ADCY10: variants seen among roughly 807,000 people sequenced by gnomAD.
ADCY10 encodes adenylate cyclase 10, also known as adenylate cyclase type 10.
Under a neutral mutation model 183.3 loss-of-function variants are expected in ADCY10, and 156 were observed. The ratio of observed to expected loss-of-function variants is 0.85; its 90% CI spans 0.75 to 0.97. The LOEUF is 0.97. ADCY10 is among the 50% of genes least tolerant of loss of function. ADCY10 has a pLI of 0.00. For missense variants in ADCY10, 1,745 were observed against 1,934.3 expected, an observed-to-expected ratio of 0.90 and a Z score of 1.84; for synonymous variants, 645 against 670.0, an observed-to-expected ratio of 0.96 and a Z score of 0.58.
chr1:167,883,798 A>C (rs1033639735), intron 8 of ADCY10, among the ~76,000 whole-genome samples, 170 bp from the exon 9 acceptor site: 1 of 152,104 alleles, frequency 6.6e-6, no homozygotes, highest in Non-Finnish European at 1.5e-5. Flanking sequence ...AAATATAATC[A>C]AAATCCCTCT....
At chr1:167,891,589 G>A (rs183644811) in intron 8 of ADCY10, among the ~76,000 whole-genome samples, 2,324 of 150,704 alleles carry the variant, frequency 0.015, 26 homozygotes, top group Middle Eastern at 0.048. Context: ...CCGGGAGGCG[G>A]AGCTTGCAGT....
At chr1:167,880,419 C>A in intron 10 of ADCY10, 72 bp downstream of exon 10, 1 of 1,140,604 alleles carries the variant, frequency 8.8e-7, no homozygotes, top group Non-Finnish European at 1.3e-6. Flanking sequence ...CTTTCCTGTT[C>A]CCTGCATGCC....
intron 1 of ADCY10, 58 bp downstream of exon 1, chr1:167,913,918 C>G (rs1280939980): frequency 6.6e-6 from 1 of 152,362 alleles, no homozygotes; most frequent in East Asian, 1.9e-4. Context: ...TCCTGACGGT[C>G]GCCCTCATCT....
intron 16 of ADCY10, among the ~76,000 whole-genome samples, chr1:167,858,431 G>A (rs1405542876): frequency 2.7e-5 from 4 of 149,586 alleles, no homozygotes; most frequent in Admixed American, 1.3e-4. Flanking sequence ...CTGGGAGGTG[G>A]AGGTCTCAGT....
intron 1 of ADCY10, among the ~76,000 whole-genome samples, chr1:167,905,836 G>C (rs1482641342): frequency 6.6e-6 from 1 of 152,098 alleles, no homozygotes; most frequent in Admixed American, 6.6e-5. Flanking sequence ...TGCCCAGTTA[G>C]TTCTGAGAAA....
chr1:167,850,416 G>C (rs1241699439), intron 18 of ADCY10, among the ~76,000 whole-genome samples: 1 of 152,120 alleles, frequency 6.6e-6, no homozygotes, highest in Non-Finnish European at 1.5e-5. Context: ...TTAAGGGTGA[G>C]GTTAGGGTTC....
chr1:167,889,217 A>G (rs1668441902), intron 8 of ADCY10, among the ~76,000 whole-genome samples: 1 of 152,180 alleles, frequency 6.6e-6, no homozygotes, highest in African/African-American at 2.4e-5. Context: ...GGTCTATTCT[A>G]TATGGCTTTT....
chr1:167,870,384 T>C lies in ADCY10; in HGVS notation c.1489A>G (p.Met497Val). ...ATCAAAAATTTCTTCATAGTATACA[T>C]GAAGTAGTTGATCTCTTTATTACGT... ...LGRNKEINYF[M>V]YTMKKFLISN... is the part of the protein sequence containing the mutation. The change falls in exon 14 of 33, where the codon ATG becomes GTG. Residue 497 changes from methionine (M) to valine (V), a missense_variant. Transcript: ENST00000367851. The C allele has an allele frequency of 8.7e-6, 14 of 1,611,360 alleles. No individual in the cohort carries two copies. Among genetic ancestry groups the C allele is most frequent in the Non-Finnish European group, 1.2e-5 (14 of 1,177,642 alleles).
At chr1:167,901,238 C>T (rs1003159734) in intron 5 of ADCY10, among the ~76,000 whole-genome samples, 31 of 152,146 alleles carry the variant, frequency 2.0e-4, no homozygotes, top group African/African-American at 7.0e-4. Flanking sequence ...GCTTTTCCTA[C>T]ACCTCATTCT....
At chr1:167,820,306 T>A in intron 30 of ADCY10, 1 of 1,199,652 alleles carries the variant, frequency 8.3e-7, no homozygotes, top group Non-Finnish European at 1.2e-6. Context: ...GCCAAGTCTC[T>A]GGGAAGGGGA....
chr1:167,887,071 AAT>A (rs1484231891), intron 8 of ADCY10, among the ~76,000 whole-genome samples: 1 of 152,192 alleles, frequency 6.6e-6, no homozygotes, highest in Non-Finnish European at 1.5e-5. Flanking sequence ...GATGTGGAGA[AAT>A]AGGAACACTT....
At chr1:167,856,081 A>G (rs1310999740) in intron 17 of ADCY10, 84 bp downstream of exon 17, 8 of 1,478,722 alleles carry the variant, frequency 5.4e-6, no homozygotes, top group Admixed American at 3.4e-5. Context: ...GCACATCAAG[A>G]CACATACTAA....
At chr1:167,830,928 T>C (rs1303135368) in intron 25 of ADCY10, among the ~76,000 whole-genome samples, 2 of 152,238 alleles carry the variant, frequency 1.3e-5, no homozygotes, top group African/African-American at 4.8e-5. Context: ...ACCTGGAAGC[T>C]CCCTCCCAAC....
At chr1:167,845,483 A>G (rs1175047233) in intron 21 of ADCY10, 80 bp downstream of exon 21, 1 of 1,486,066 alleles carries the variant, frequency 6.7e-7, no homozygotes, top group South Asian at 1.2e-5. Flanking sequence ...AGCCCTCAAG[A>G]TCCACACCCA....
intron 21 of ADCY10, among the ~76,000 whole-genome samples, chr1:167,838,434 A>T (rs144751219): frequency 6.6e-6 from 1 of 152,214 alleles, no homozygotes; most frequent in Admixed American, 6.5e-5. Flanking sequence ...CTTTGTCTGC[A>T]CTTGATTACC....
chr1:167,820,309 G>T (rs1217158463), intron 30 of ADCY10: 14 of 1,169,746 alleles, frequency 1.2e-5, no homozygotes, highest in Non-Finnish European at 1.7e-5. Context: ...AAGTCTCTGG[G>T]AAGGGGACTA....
intron 5 of ADCY10, 117 bp downstream of exon 5, chr1:167,901,545 G>T: frequency 1.9e-6 from 2 of 1,047,372 alleles, no homozygotes; most frequent in Non-Finnish European, 3.0e-6. Flanking sequence ...CCAAAGTTCA[G>T]GGCATCATGG....
rs772727890 is a variant in ADCY10 at position 167,824,490 on chromosome 1, G to C, written c.4038C>G (p.Leu1346=). 6.2e-7 allele frequency: 1 copy of C among 1,614,052 alleles called. No individual in the cohort carries two copies. Among genetic ancestry groups the C allele is most frequent in the Admixed American group, 1.7e-5 (1 of 60,024 alleles). ...YQSLCRLSRC[L]LLNSRYPQLI... ...AAGATAAATACCTGCTGTTCAGAAG[G>C]AGACATCTGCTAAGTCTGCAGAGGG... Residue 1346 remains leucine (L), a synonymous_variant, in exon 28 of 33, where the codon CTC becomes CTG. Transcript: ENST00000367851.
rs1284445547 is a variant in ADCY10, at chr1:167,840,868, GA to G, written c.3008-3551del. ...CTAAGACTTTAGGTTCAAGATGTCA[GA>G]CTACCTCTTGGGTTTATCTTCTGTC... is the stretch of plus-strand genomic sequence containing the variant. On this transcript the variant is annotated intron_variant, in intron 21 of 32. Coordinates refer to ENST00000367851, the MANE Select transcript of ADCY10 (RefSeq NM_018417.6). Among the ~76,000 whole-genome samples the G allele has an allele frequency of 2.0e-5, 3 of 151,916 alleles. No homozygotes were observed. The East Asian group carries it at 5.8e-4, about 29-fold the overall frequency.
Sources: allele counts gnomAD v4.1 joint callset (sites outside exome capture counted in the v4.1 genomes callset), GRCh38; gene constraint gnomAD v4.1.1; transcripts MANE v1.5; gene names NCBI Gene and HGNC (gene_info 2026-07-23, HGNC 2026-07-21).